TFPI: variants seen among roughly 807,000 people sequenced by gnomAD.
The protein encoded by TFPI is anti-convertin.
A neutral mutation model predicts 34.6 loss-of-function variants in TFPI; 15 were observed. That is an observed-to-expected ratio of 0.43 (90% CI 0.29 to 0.67). The LOEUF (loss-of-function observed/expected upper bound fraction) is 0.67. Among genes scored for constraint, TFPI ranks in the 30% least tolerant of loss-of-function variants. The probability of loss-of-function intolerance (pLI) is 0.15; values close to 1 mark genes in which losing one functional copy is unlikely to be tolerated. For missense variants in TFPI, 301 were observed against 364.0 expected, an observed-to-expected ratio of 0.83 and a Z score of 1.41; for synonymous variants, 105 against 120.1, an observed-to-expected ratio of 0.87 and a Z score of 0.82.
intron 1 of TFPI, among the ~76,000 whole-genome samples, chr2:187,525,621 T>G (rs1687637947): frequency 6.6e-6 from 1 of 152,108 alleles, no homozygotes; most frequent in Non-Finnish European, 1.5e-5. Flanking sequence ...CAACTGTATT[T>G]GAAAACAAGG....
intron 1 of TFPI, chr2:187,517,733 C>A (rs1165347020): frequency 6.6e-6 from 1 of 152,166 alleles, no homozygotes; most frequent in Non-Finnish European, 1.5e-5. Flanking sequence ...CTAATATTGA[C>A]AGTGGGGTGT....
intron 1 of TFPI, among the ~76,000 whole-genome samples, chr2:187,529,935 T>A (rs1055845785): frequency 1.3e-5 from 2 of 152,200 alleles, no homozygotes; most frequent in Admixed American, 6.5e-5. Context: ...ATCGCCAACT[T>A]CTTATGTTGT....
chr2:187,466,886 A>G lies in TFPI; in HGVS notation c.*50T>C, dbSNP rs971805408. On this transcript the variant is annotated 3_prime_UTR_variant, in exon 8 of 8. Transcript: ENST00000233156. ...GAAAAATAGAAAATCATAGTGAAAC[A>G]TTTCATATAAAATATTTAGTAGAAT... 1.9e-6 allele frequency: 2 copies of G among 1,047,752 alleles called. No homozygotes were observed. Among genetic ancestry groups the G allele is most frequent in the Admixed American group, 5.3e-5 (2 of 37,670 alleles). 64.9% of individuals were successfully genotyped at this position (1,047,752 alleles called of 1,614,324 possible). A position where few individuals can be genotyped will look rare whatever the true frequency, so the allele number is the denominator to read the frequency against.
intron 2 of TFPI, among the ~76,000 whole-genome samples, chr2:187,500,777 A>G (rs1288549193): frequency 6.6e-6 from 1 of 152,048 alleles, no homozygotes; most frequent in East Asian, 1.9e-4. Context: ...GACTCAAGCA[A>G]TGGCCAGGTG....
intron 1 of TFPI, among the ~76,000 whole-genome samples, chr2:187,513,163 C>T (rs1686761581): frequency 6.6e-6 from 1 of 152,048 alleles, no homozygotes; most frequent in Non-Finnish European, 1.5e-5. Flanking sequence ...AAACATTAAT[C>T]ATAAAGAAAA....
At chr2:187,535,532 C>G (rs1022414589) in intron 1 of TFPI, among the ~76,000 whole-genome samples, 19 of 152,096 alleles carry the variant, frequency 1.2e-4, no homozygotes, top group African/African-American at 4.6e-4. Flanking sequence ...TTATTTGAAA[C>G]CAATGAGAAT....
At chr2:187,541,979 A>T (rs1688605416) in intron 1 of TFPI, among the ~76,000 whole-genome samples, 1 of 152,196 alleles carries the variant, frequency 6.6e-6, no homozygotes. Context: ...CAATGGCATC[A>T]CAAGTAACCT....
chr2:187,472,691 CTAT>C (rs375071139), intron 6 of TFPI, among the ~76,000 whole-genome samples: 3 of 152,260 alleles, frequency 2.0e-5, no homozygotes, highest in African/African-American at 7.2e-5. Flanking sequence ...TGAAGATGCA[CTAT>C]TATTTTATGT....
At chr2:187,486,379 T>C (rs1256719826) in intron 4 of TFPI, among the ~76,000 whole-genome samples, 2 of 151,460 alleles carry the variant, frequency 1.3e-5, no homozygotes, top group South Asian at 2.1e-4. Context: ...CAAAAGTGGA[T>C]GGAGGAAAAA....
At chr2:187,496,431 C>T (rs1340139070) in intron 3 of TFPI, among the ~76,000 whole-genome samples, 1 of 151,968 alleles carries the variant, frequency 6.6e-6, no homozygotes, top group Non-Finnish European at 1.5e-5. Flanking sequence ...GTCTGGGAGG[C>T]CGAATTACAC....
intron 1 of TFPI, among the ~76,000 whole-genome samples, chr2:187,529,715 T>C (rs920390858): frequency 1.3e-5 from 2 of 152,188 alleles, no homozygotes; most frequent in Admixed American, 6.5e-5. Context: ...TCTAACTTGG[T>C]TGCAAGTTTG....
chr2:187,489,568 A>T (rs879845983), intron 3 of TFPI, among the ~76,000 whole-genome samples: 4 of 151,584 alleles, frequency 2.6e-5, no homozygotes, highest in Non-Finnish European at 1.5e-5. Context: ...GAAGAAAGAA[A>T]TGTATACATA....
intron 1 of TFPI, among the ~76,000 whole-genome samples, chr2:187,551,302 T>C (rs906513663): frequency 3.9e-5 from 6 of 152,144 alleles, no homozygotes; most frequent in African/African-American, 1.4e-4. Context: ...TTATATTCTT[T>C]TGTTTTTGAA....
chr2:187,547,788 T>C (rs570607052), intron 1 of TFPI: 1 of 152,284 alleles, frequency 6.6e-6, no homozygotes, highest in East Asian at 1.9e-4. Context: ...ATTGTACATT[T>C]TTATAAAGAC....
At chr2:187,478,555 T>A in intron 6 of TFPI, 1 of 1,304,926 alleles carries the variant, frequency 7.7e-7, no homozygotes, top group Non-Finnish European at 1.0e-6. Flanking sequence ...CATTTACAAG[T>A]GAGGTGCAGT....
At chr2:187,490,328 A>G (rs1044261573) in intron 3 of TFPI, among the ~76,000 whole-genome samples, 1 of 151,620 alleles carries the variant, frequency 6.6e-6, no homozygotes, top group Non-Finnish European at 1.5e-5. Context: ...TACTGAAAAA[A>G]GGTGTCTTGA....
intron 6 of TFPI, among the ~76,000 whole-genome samples, chr2:187,472,013 T>A (rs1422538139): frequency 6.6e-6 from 1 of 152,074 alleles, no homozygotes; most frequent in East Asian, 1.9e-4. Context: ...AAATATAAAT[T>A]ATTTACTGCA....
At chr2:187,553,068 T>G (rs1036745634) in intron 1 of TFPI, among the ~76,000 whole-genome samples, 1 of 152,076 alleles carries the variant, frequency 6.6e-6, no homozygotes, top group Non-Finnish European at 1.5e-5. Context: ...ATATGGACAC[T>G]GTATATTGAA....
chr2:187,467,224 T>C (rs1276016114), intron 7 of TFPI, among the ~76,000 whole-genome samples, 182 bp from the exon 8 acceptor site: 1 of 152,024 alleles, frequency 6.6e-6, no homozygotes, highest in Non-Finnish European at 1.5e-5. Context: ...ACTTTGCATA[T>C]ATGAGTTAAT....
Sources: allele counts gnomAD v4.1 joint callset (sites outside exome capture counted in the v4.1 genomes callset), GRCh38; gene constraint gnomAD v4.1.1; transcripts MANE v1.5; gene names NCBI Gene and HGNC (gene_info 2026-07-23, HGNC 2026-07-21).